The following C1D variants were observed in gnomAD, a reference collection of about 807,000 sequenced individuals.
C1D encodes nuclear nucleic acid-binding protein C1D.
A neutral mutation model predicts 17.5 loss-of-function variants in C1D; 10 were observed. That is an observed-to-expected ratio of 0.57 (90% CI 0.35 to 0.97). The LOEUF (loss-of-function observed/expected upper bound fraction) is 0.97. C1D is among the 50% of genes least tolerant of loss of function. The pLI is 0.01. For synonymous variants in C1D, 49 were observed against 54.0 expected (o/e 0.91, Z 0.40); for missense variants, 136 against 160.1 (o/e 0.85, Z 0.81).
chr2:68,056,136 C>G (rs1671432071), intron 1 of C1D, among the ~76,000 whole-genome samples: 3 of 152,150 alleles, frequency 2.0e-5, no homozygotes, highest in Non-Finnish European at 4.4e-5. Flanking sequence ...CACAAAAATC[C>G]TTTTGAGACA....
chr2:68,046,298 C>T, intron 3 of C1D, 46 bp downstream of exon 3: 1 of 1,335,082 alleles, frequency 7.5e-7, no homozygotes, highest in Non-Finnish European at 1.1e-6. Context: ...ATCTTTCACA[C>T]AATAAGTAAT....
chr2:68,052,993 C>A, intron 1 of C1D: 1 of 1,528,826 alleles, frequency 6.5e-7, no homozygotes, highest in Non-Finnish European at 8.8e-7. Context: ...ATAAACTGAG[C>A]CAAAAGAAGT....
chr2:68,058,573 G>A (rs1422362654), intron 1 of C1D, among the ~76,000 whole-genome samples: 1 of 152,124 alleles, frequency 6.6e-6, no homozygotes, highest in Non-Finnish European at 1.5e-5. Flanking sequence ...GCTGGTAAGT[G>A]GTAAAGTTCG....
chr2:68,047,392 A>C, intron 1 of C1D, 73 bp from the exon 2 acceptor site: 1 of 1,142,232 alleles, frequency 8.8e-7, no homozygotes. Flanking sequence ...AAAAAAAATC[A>C]ATAGGTCATA....
chr2:68,055,889 C>T (rs989937816), intron 1 of C1D, among the ~76,000 whole-genome samples: 2 of 152,152 alleles, frequency 1.3e-5, no homozygotes, highest in African/African-American at 2.4e-5. Flanking sequence ...TTTTAGAATA[C>T]AACTCCGTTC....
At chr2:68,049,831 AC>A (rs1373283837) in intron 1 of C1D, among the ~76,000 whole-genome samples, 63 of 152,376 alleles carry the variant, frequency 4.1e-4, no homozygotes, top group African/African-American at 1.4e-3. Context: ...GACAAACTTA[AC>A]TGCATAAAAA....
chr2:68,057,398 C>G (rs1671470999), intron 1 of C1D, among the ~76,000 whole-genome samples: 1 of 151,744 alleles, frequency 6.6e-6, no homozygotes, highest in Non-Finnish European at 1.5e-5. Flanking sequence ...CTCAGGTGAT[C>G]TGCCTGCCTC....
At chr2:68,049,384 G>A (rs1030407881) in intron 1 of C1D, among the ~76,000 whole-genome samples, 5 of 152,230 alleles carry the variant, frequency 3.3e-5, no homozygotes, top group African/African-American at 1.2e-4. Context: ...CTAGATAAAG[G>A]TATAAGTATA....
intron 1 of C1D, among the ~76,000 whole-genome samples, chr2:68,051,133 C>G (rs774651061): frequency 1.3e-5 from 2 of 152,198 alleles, no homozygotes; most frequent in Non-Finnish European, 2.9e-5. Context: ...ATCAAGAATA[C>G]AGAGAGACCA....
At position 68,055,737 on chromosome 2, in the gene C1D, T is replaced by C. The variant is rs563482471; in HGVS notation, c.-10+7221A>G. On this transcript the variant is annotated intron_variant, in intron 1 of 4. Transcript: ENST00000410067. Reference sequence around the variant, plus strand: ...TCTTTTGAGGATGCACACTGAAGTATAGAGGGGTAAAATTATGTAACATTT... The same window carrying C: ...TCTTTTGAGGATGCACACTGAAGTACAGAGGGGTAAAATTATGTAACATTT... Among the ~76,000 whole-genome samples the C allele has an allele frequency of 2.0e-4, 31 of 152,236 alleles. 1 individual carries two copies. The South Asian group carries it at 5.0e-3, about 24-fold the overall frequency.
At chr2:68,053,016 C>T in intron 1 of C1D, 1 of 1,544,814 alleles carries the variant, frequency 6.5e-7, no homozygotes, top group African/African-American at 1.4e-5. Flanking sequence ...AAGAACATGC[C>T]TAAAGTTGTA....
intron 4 of C1D, 109 bp downstream of exon 4, chr2:68,045,879 T>C (rs1671104893): frequency 2.6e-6 from 2 of 763,474 alleles, no homozygotes; most frequent in Admixed American, 3.4e-5. Flanking sequence ...CTCACTTTCA[T>C]AATTTCAACT....
Position 68,041,395 on chromosome 2 carries a change from C to A in C1D, c.*1494G>T, listed in dbSNP as rs184634808. On this transcript the variant is annotated 3_prime_UTR_variant, in exon 5 of 5. Coordinates refer to ENST00000410067, the MANE Select transcript of C1D (RefSeq NM_173177.3). ...AATATACAGAAATCCAAATAAATTT[C>A]TTTGCAATAAATAACACAAAGACAG... 123 of 152,090 alleles carry A rather than the reference C, an allele frequency of 8.1e-4. No individual in the cohort carries two copies. The highest frequency in any genetic ancestry group is 2.8e-3 in the African/African-American group (118 of 41,552). The allele number at this position is 152,090 out of a possible 1,614,324, so 9.4% of individuals were successfully genotyped here.
chr2:68,044,224 TAC>T (rs2103791262), intron 4 of C1D, among the ~76,000 whole-genome samples: 1 of 152,372 alleles, frequency 6.6e-6, no homozygotes, highest in Non-Finnish European at 1.5e-5. Context: ...CTCCATTAGA[TAC>T]AGTCTGGTGT....
At chr2:68,050,954 T>C (rs1671261717) in intron 1 of C1D, among the ~76,000 whole-genome samples, 1 of 152,178 alleles carries the variant, frequency 6.6e-6, no homozygotes, top group South Asian at 2.1e-4. Flanking sequence ...TTCAGAGTGA[T>C]CCTTGACTAC....
chr2:68,043,282 C>G (rs1671022475), intron 4 of C1D, among the ~76,000 whole-genome samples: 1 of 152,072 alleles, frequency 6.6e-6, no homozygotes, highest in Admixed American at 6.5e-5. Flanking sequence ...CAGAAGTCTT[C>G]TGTTTCCAAA....
rs1033207775 is a variant in C1D, at chr2:68,042,285, CTAAAGT to C, written c.*598_*603del. The C allele has an allele frequency of 5.8e-4, 89 of 152,640 alleles. No individual in the cohort carries two copies. Among genetic ancestry groups the C allele is most frequent in the African/African-American group, 2.1e-3 (87 of 41,546 alleles). 9.5% of individuals were successfully genotyped at this position (152,640 alleles called of 1,614,324 possible). A position where few individuals can be genotyped will look rare whatever the true frequency, so the allele number is the denominator to read the frequency against. On this transcript the variant is annotated 3_prime_UTR_variant, in exon 5 of 5. Transcript: ENST00000410067. ...ATCAACATACAACCTTATTTCCCAT[CTAAAGT>C]TAATGAGAATGTATTTTATTTTAAA... is the stretch of plus-strand genomic sequence containing the variant.
intron 1 of C1D, among the ~76,000 whole-genome samples, chr2:68,048,269 A>G (rs892997004): frequency 3.9e-5 from 6 of 152,332 alleles, no homozygotes; most frequent in African/African-American, 1.4e-4. Context: ...TAACATCTCT[A>G]GAATAAAAAA....
Position 68,062,116 on chromosome 2 carries a change from T to G in C1D, c.-10+842A>C, listed in dbSNP as rs115222883. 7.4e-3 allele frequency among the ~76,000 whole-genome samples: 1,128 copies of G among 152,368 alleles called. 6 individuals are homozygous for G. The highest frequency in any genetic ancestry group is 0.024 in the Middle Eastern group (7 of 294). ...GAAGGGATGGATACCCCATTTTCCA[T>G]GTGATTCTTACATATTGCATGCCTG... On this transcript the variant is annotated intron_variant, in intron 1 of 4. Transcript: ENST00000410067.
Sources: allele counts gnomAD v4.1 joint callset (sites outside exome capture counted in the v4.1 genomes callset), GRCh38; gene constraint gnomAD v4.1.1; transcripts MANE v1.5; gene names NCBI Gene and HGNC (gene_info 2026-07-23, HGNC 2026-07-21).